Variants in CDHR2 observed in about 807,000 individuals in gnomAD.
CDHR2 encodes the protein cadherin-related family member 2.
Under a neutral mutation model 138.6 loss-of-function variants are expected in CDHR2, and 104 were observed. The ratio of observed to expected loss-of-function variants is 0.75; its 90% CI spans 0.64 to 0.88. The LOEUF (loss-of-function observed/expected upper bound fraction) is 0.88, where lower values mean the gene tolerates loss of function less well. Ranked by LOEUF, CDHR2 falls within the 40% of genes least tolerant of loss-of-function variation. The pLI is 0.00. For synonymous variants in CDHR2, 755 were observed against 742.8 expected (o/e 1.02, Z -0.27); for missense variants, 1,624 against 1,727.6 (o/e 0.94, Z 1.06).
intron 1 of CDHR2, among the ~76,000 whole-genome samples, chr5:176,556,961 C>T (rs1325535848): frequency 4.1e-5 from 6 of 146,596 alleles, no homozygotes; most frequent in Non-Finnish European, 9.0e-5. Context: ...CCCGCTCCCT[C>T]CCTCCCTTCC....
chr5:176,578,367 C>G lies in CDHR2; in HGVS notation c.1577C>G (p.Ala526Gly). ...CTGAACCTGGCCCCTCTGAGCAGGG[C>G]AGACCTCTTCCAAGTGGATCCCGTC... The part of the protein sequence containing the change: ...ITYSLLPGNG[A>G]DLFQVDPVSG... The change falls in exon 16 of 32, where the codon GCA (alanine) becomes GGA (glycine). Residue 526 changes from alanine to glycine, a missense_variant and splice_region_variant. Physicochemically the swap from Ala to Gly is moderately conservative, Grantham distance 60. This residue lies in a region of CDHR2 where 1,061 missense variants were observed against 1,136.6 expected (regional missense o/e 0.93). Coordinates refer to ENST00000261944, the MANE Select transcript of CDHR2 (RefSeq NM_017675.6). 6.2e-7 allele frequency: 1 copy of G among 1,611,994 alleles called. No homozygotes were observed.
chr5:176,560,317 A>G (rs1757936477), intron 1 of CDHR2, among the ~76,000 whole-genome samples: 1 of 151,896 alleles, frequency 6.6e-6, no homozygotes, highest in Admixed American at 6.6e-5. Flanking sequence ...AATCACTTGA[A>G]CCCAGGGGGT....
rs775146696 is a variant in CDHR2, at chr5:176,577,542, G to A, written c.1338G>A (p.Ala446=). 46 of 1,613,568 alleles carry A rather than the reference G, an allele frequency of 2.9e-5. No homozygotes were observed. Among genetic ancestry groups the A allele is most frequent in the Middle Eastern group, 1.6e-4 (1 of 6,084 alleles). ...SALVDYERQT[A]MAVQVVATDS... is the part of the protein sequence containing the mutation. ...TGGTGGACTACGAGAGGCAGACGGC[G>A]ATGGCGGTGCAGGTGAGGGCTGCTC... The change falls in exon 13 of 32, where the codon GCG becomes GCA. Residue 446 remains alanine, a synonymous_variant. Transcript: ENST00000261944.
At chr5:176,581,872 A>G (rs1758542412) in intron 17 of CDHR2, among the ~76,000 whole-genome samples, 1 of 152,238 alleles carries the variant, frequency 6.6e-6, no homozygotes, top group East Asian at 1.9e-4. Context: ...TGTCACTCAT[A>G]AAGTCCCACC....
intron 1 of CDHR2, among the ~76,000 whole-genome samples, chr5:176,544,001 C>G (rs555640258): frequency 5.9e-5 from 9 of 152,376 alleles, no homozygotes; most frequent in Non-Finnish European, 1.3e-4. Flanking sequence ...CCACCGTCCC[C>G]GCCTCCTGGG....
At chr5:176,585,588 C>G (rs916668841) in intron 19 of CDHR2, among the ~76,000 whole-genome samples, 4 of 152,230 alleles carry the variant, frequency 2.6e-5, no homozygotes, top group African/African-American at 9.6e-5. Context: ...TAGGTGAGAT[C>G]TACCTAGGCT....
chr5:176,550,152 C>T (rs547103742), intron 1 of CDHR2, among the ~76,000 whole-genome samples: 1 of 152,316 alleles, frequency 6.6e-6, no homozygotes, highest in African/African-American at 2.4e-5. Context: ...CAGTGAGCAC[C>T]GAGGTCCGGC....
At chr5:176,584,289 T>C (rs1350869220) in intron 18 of CDHR2, 30 bp downstream of exon 18, 1 of 1,613,024 alleles carries the variant, frequency 6.2e-7, no homozygotes, top group Non-Finnish European at 8.5e-7. Flanking sequence ...GGAGAGACAC[T>C]GCGGCTGGGA....
In CDHR2 at chr5:176,554,081, G is replaced by A. The variant is rs543161675; in HGVS notation, c.-16+4667G>A. 5.9e-5 allele frequency among the ~76,000 whole-genome samples: 9 copies of A among 152,324 alleles called. No homozygotes were observed. The East Asian group carries it at 1.2e-3, about 20-fold the overall frequency. On this transcript the variant is annotated intron_variant, in intron 1 of 31. Coordinates refer to ENST00000261944, the MANE Select transcript of CDHR2 (RefSeq NM_017675.6). ...GTATTTATCAGTCTGGCTGAGTGCA[G>A]CCCTGCCGTTCAGCATGTGGGCTGT...
Position 176,586,820 on chromosome 5 carries a change from A to T in CDHR2, c.2834A>T (p.Asn945Ile). 3 of 1,610,210 alleles carry T rather than the reference A, an allele frequency of 1.9e-6. No individual in the cohort carries two copies. The highest frequency in any genetic ancestry group is 2.5e-6 in the Non-Finnish European group (3 of 1,178,336). The change falls in exon 21 of 32, where the codon AAC (asparagine) becomes ATC (isoleucine). Residue 945 changes from asparagine to isoleucine, a missense_variant. Transcript: ENST00000261944. Reference protein sequence around the residue: ...FVIIPELVLPNREVASVRARD... With the variant: ...FVIIPELVLPIREVASVRARD... The stretch of plus-strand genomic sequence containing the variant: ...ATCATCCCTGAACTCGTGCTGCCCA[A>T]CCGGGAGGTGGCTTCTGTCCGGGTA...
At chr5:176,562,954 G>T (rs145682340) in intron 1 of CDHR2, among the ~76,000 whole-genome samples, 1 of 152,164 alleles carries the variant, frequency 6.6e-6, no homozygotes, top group Non-Finnish European at 1.5e-5. Flanking sequence ...GACATGGAAG[G>T]TGCATGAGTA....
chr5:176,568,789 T>C lies in CDHR2; in HGVS notation c.236T>C (p.Val79Ala). 4 of 1,614,154 alleles carry C rather than the reference T, an allele frequency of 2.5e-6. No individual in the cohort carries two copies. The South Asian group carries it at 4.4e-5, about 18-fold the overall frequency. ...FFAVTPKTGE[V>A]KLASALDYET... ...GCTGTCACTCCGAAAACTGGGGAAG[T>C]GAAGCTGGCCAGCGCTCTGGACTAC... The change falls in exon 4 of 32, where the codon GTG becomes GCG. Residue 79 changes from valine to alanine, a missense_variant. By Grantham distance (64) the Val-to-Ala change is moderately conservative. Around this residue, in one of 3 missense-constraint regions of CDHR2, gnomAD observed 1,061 missense variants for 1,136.6 expected, o/e 0.93. Coordinates refer to ENST00000261944, the MANE Select transcript of CDHR2 (RefSeq NM_017675.6).
rs768142070 is a variant in CDHR2, at chr5:176,568,802, C to T, written c.249C>T (p.Ser83=). The change falls in exon 4 of 32, where the codon AGC becomes AGT. Residue 83 remains serine, a synonymous_variant. Transcript: ENST00000261944. The part of the protein sequence containing the change: ...TPKTGEVKLA[S]ALDYETLYTF... ...AAACTGGGGAAGTGAAGCTGGCCAG[C>T]GCTCTGGACTACGAGGTAAAGAGCA... 32 of 1,614,074 alleles carry T rather than the reference C, an allele frequency of 2.0e-5. No homozygotes were observed. The East Asian group carries it at 3.3e-4, about 17-fold the overall frequency.
At chr5:176,547,302 G>A (rs888584560), upstream of CDHR2, 1 of 152,150 alleles carries the variant, frequency 6.6e-6, no homozygotes, top group Non-Finnish European at 1.5e-5. Context: ...ATGGATGCTG[G>A]ACTCAATGGA....
In CDHR2 at chr5:176,590,440, T is replaced by A; in HGVS notation, c.3369T>A (p.Asp1123Glu). ...CTGTGGCCAGGATGATCCGGAATGATCAGGACTCGCTGACGCAGCTGCTGC... is the reference window on the plus strand; with the variant it reads ...CTGTGGCCAGGATGATCCGGAATGAACAGGACTCGCTGACGCAGCTGCTGC... ...LDELSVMIRN[D>E]QDSLTQLLQL... The change falls in exon 27 of 32, where the codon GAT becomes GAA. Residue 1123 changes from aspartate (D) to glutamate (E), a missense_variant. Around this residue, in one of 3 missense-constraint regions of CDHR2, gnomAD observed 556 missense variants for 565.7 expected, o/e 0.98. Transcript: ENST00000261944. 1 of 1,614,000 alleles carries A rather than the reference T, an allele frequency of 6.2e-7. No homozygotes were observed. The highest frequency in any genetic ancestry group is 8.5e-7 in the Non-Finnish European group (1 of 1,179,948).
intron 1 of CDHR2, among the ~76,000 whole-genome samples, chr5:176,550,791 G>C (rs1757687830): frequency 6.6e-6 from 1 of 152,106 alleles, no homozygotes; most frequent in African/African-American, 2.4e-5. Context: ...GGAGGTCCTG[G>C]GCAGTCCGGG....
chr5:176,544,159 G>A (rs946099955), intron 1 of CDHR2, among the ~76,000 whole-genome samples: 3 of 152,258 alleles, frequency 2.0e-5, no homozygotes, highest in Admixed American at 6.5e-5. Flanking sequence ...GCGGAGGGCT[G>A]ATGAGACGGT....
rs530960914 is a variant in CDHR2, at chr5:176,586,129, G to T, written c.2806+104G>T. Reference sequence around the variant, plus strand: ...GACCCCAGGGGGAGCCTTTAGAAAGGGGGGAAGGCCTCTAATCCTGCATCT... The same window carrying T: ...GACCCCAGGGGGAGCCTTTAGAAAGTGGGGAAGGCCTCTAATCCTGCATCT... On this transcript the variant is annotated intron_variant, in intron 20 of 31. Transcript: ENST00000261944. 1.9e-5 allele frequency: 16 copies of T among 837,518 alleles called. No individual in the cohort carries two copies. The East Asian group carries it at 2.4e-4, about 13-fold the overall frequency. The allele number at this position is 837,518 out of a possible 1,614,324, so 51.9% of individuals were successfully genotyped here. A position where few individuals can be genotyped will look rare whatever the true frequency, so the allele number is the denominator to read the frequency against.
chr5:176,586,442 C>A (rs541152215), intron 20 of CDHR2, among the ~76,000 whole-genome samples: 1 of 152,240 alleles, frequency 6.6e-6, no homozygotes, highest in South Asian at 2.1e-4. Context: ...GTGATCTGCT[C>A]GCCTTGGCCT....
Sources: gnomAD v4.1 joint callset for allele counts (sites outside exome capture counted in the v4.1 genomes callset) on GRCh38, gnomAD v4.1.1 for gene constraint, gnomAD v4.1.1 regional missense constraint, MANE v1.5 for transcripts, NCBI Gene and HGNC (gene_info 2026-07-23, HGNC 2026-07-21) for gene names.